The following IL13RA2 variants were observed in gnomAD, a reference collection of about 807,000 sequenced individuals.
The protein encoded by IL13RA2 is interleukin 13 receptor subunit alpha 2, also known as interleukin-13 receptor subunit alpha-2.
In IL13RA2, 25 loss-of-function variants were observed where a neutral mutation model predicts 34.1. The ratio of observed to expected loss-of-function variants is 0.73; its 90% CI spans 0.53 to 1.03. IL13RA2 has a LOEUF of 1.03. IL13RA2 is among the 50% of genes least tolerant of loss of function. The pLI, the probability that IL13RA2 is intolerant of heterozygous loss-of-function variation, is 0.00. For synonymous variants in IL13RA2, 106 were observed against 100.4 expected (o/e 1.06, Z -0.33); for missense variants, 297 against 280.9 (o/e 1.06, Z -0.41).
intron 8 of IL13RA2, among the ~76,000 whole-genome samples, chrX:115,007,067 G>T (rs1327630793): frequency 4.5e-5 from 5 of 111,833 alleles, no homozygotes; most frequent in African/African-American, 1.3e-4. Context: ...TTCACTGAGG[G>T]TAGAGATTTC....
At position 115,015,615 on chromosome X, in the gene IL13RA2, T is replaced by C. The variant is rs146978761; in HGVS notation, c.246+55A>G. The C allele has an allele frequency of 5.7e-4, 601 of 1,063,090 alleles. 4 individuals carry two copies. The East Asian group carries it at 0.017, about 30-fold the overall frequency. 87.6% of individuals were successfully genotyped at this position (1,063,090 alleles called of 1,213,427 possible). A position where few individuals can be genotyped will look rare whatever the true frequency, so the allele number is the denominator to read the frequency against. ...TTGGAGCGGACACTAAAGTCAGGAA[T>C]CACAAAGTAACACCTGATGATCACT... On this transcript the variant is annotated intron_variant, in intron 3 of 9. Transcript: ENST00000243213.
Position 115,015,656 on chromosome X carries a change from C to T in IL13RA2, c.246+14G>A, listed in dbSNP as rs1556509752. On this transcript the variant is annotated intron_variant, in intron 3 of 9. Coordinates refer to ENST00000243213, the MANE Select transcript of IL13RA2 (RefSeq NM_000640.3). The stretch of plus-strand genomic sequence containing the variant: ...GATGATCACTCTGATACGGCAAATG[C>T]ATGCTTTACTTACCTTCCATGTTTC... The T allele has an allele frequency of 8.4e-7, 1 of 1,192,059 alleles. No homozygotes were observed. The highest frequency in any genetic ancestry group is 1.1e-6 in the Non-Finnish European group (1 of 878,020).
At position 115,010,695 on chromosome X, in the gene IL13RA2, C is replaced by T. The variant is rs2071702664; in HGVS notation, c.655G>A (p.Glu219Lys). Reference sequence around the variant, plus strand: ...TAACTGGATCTGATAGGCTTGTTCTCTGATGATCCATTAACACAAATATAG... The same window carrying T: ...TAACTGGATCTGATAGGCTTGTTCTTTGATGATCCATTAACACAAATATAG... The part of the protein sequence containing the change: ...DFYICVNGSS[E>K]NKPIRSSYFT... Residue 219 changes from glutamate to lysine, a missense_variant, in exon 6 of 10, where the codon GAG (glutamate) becomes AAG (lysine). By Grantham distance (56) the Glu-to-Lys change is moderately conservative (BLOSUM62 1). Coordinates refer to ENST00000243213, the MANE Select transcript of IL13RA2 (RefSeq NM_000640.3). The T allele has an allele frequency of 2.9e-6, 3 of 1,021,310 alleles. No individual in the cohort carries two copies. Among genetic ancestry groups the T allele is most frequent in the East Asian group, 3.1e-5 (1 of 32,478 alleles). The allele number at this position is 1,021,310 out of a possible 1,213,427, so 84.2% of individuals were successfully genotyped here.
intron 8 of IL13RA2, among the ~76,000 whole-genome samples, chrX:115,006,478 T>G (rs1556507623): frequency 9.1e-6 from 1 of 109,650 alleles, no homozygotes; most frequent in Non-Finnish European, 1.9e-5. Context: ...AGGCCAGGAG[T>G]TCAAGACCAG....
intron 8 of IL13RA2, 35 bp downstream of exon 8, chrX:115,007,897 G>C (rs1556507990): frequency 1.1e-6 from 1 of 877,298 alleles, no homozygotes; most frequent in Non-Finnish European, 1.6e-6. Flanking sequence ...CTAGCAAAGA[G>C]CTCATTATTT....
At chrX:115,004,262 A>G (rs782293939) in intron 9 of IL13RA2, among the ~76,000 whole-genome samples, 156 bp from the exon 10 acceptor site, 1 of 109,855 alleles carries the variant, frequency 9.1e-6, no homozygotes, top group Admixed American at 9.7e-5. Context: ...AAGATATGGC[A>G]TTGAGATATC....
chrX:115,008,557 T>A (rs782536063), intron 7 of IL13RA2, among the ~76,000 whole-genome samples: 15 of 111,718 alleles, frequency 1.3e-4, no homozygotes, highest in Admixed American at 1.9e-4. Flanking sequence ...TGATTGTTAA[T>A]AAGAATAAGG....
intron 3 of IL13RA2, 113 bp downstream of exon 3, chrX:115,015,557 T>A (rs978206): frequency 1.5e-6 from 1 of 670,305 alleles, no homozygotes; most frequent in Non-Finnish European, 2.4e-6. Flanking sequence ...GGAAGCTTTT[T>A]ATATCCTAAT....
At position 115,005,323 on chromosome X, in the gene IL13RA2, TA is replaced by T; in HGVS notation, c.998-9del. 1.2e-6 allele frequency: 1 copy of T among 805,190 alleles called. No individual in the cohort carries two copies. Among genetic ancestry groups the T allele is most frequent in the Non-Finnish European group, 1.9e-6 (1 of 525,893 alleles). 66.4% of individuals were successfully genotyped at this position (805,190 alleles called of 1,213,427 possible). A position where few individuals can be genotyped will look rare whatever the true frequency, so the allele number is the denominator to read the frequency against. On this transcript the variant is annotated splice_polypyrimidine_tract_variant and intron_variant, in intron 8 of 9. Coordinates refer to ENST00000243213, the MANE Select transcript of IL13RA2 (RefSeq NM_000640.3). ...TCTTCGATAGGTCTTCACCTAGGAT[TA>T]AAAATCACACGGAAAGGGGAAGTGT...
chrX:115,009,545 G>T lies in IL13RA2; in HGVS notation c.828C>A (p.Ile276=). The T allele has an allele frequency of 8.3e-7, 1 of 1,199,319 alleles. No homozygotes were observed. The highest frequency in any genetic ancestry group is 1.1e-6 in the Non-Finnish European group (1 of 884,648). Residue 276 remains isoleucine, a synonymous_variant, in exon 7 of 10, where the codon ATC becomes ATA. Transcript: ENST00000243213. ...PARCFDYEIE[I]REDDTTLVTA... ...CCACCAAGGTAGTATCATCTTCTCTGATCTCAATTTCATAATCAAAACACC... is the reference window on the plus strand; with the variant it reads ...CCACCAAGGTAGTATCATCTTCTCTTATCTCAATTTCATAATCAAAACACC...
intron 9 of IL13RA2, 139 bp from the exon 10 acceptor site, chrX:115,004,245 T>C (rs1602971533): frequency 5.1e-6 from 2 of 392,507 alleles, no homozygotes; most frequent in East Asian, 8.9e-5. Flanking sequence ...TTTCTCTCTA[T>C]CTTGAAAAGA....
chrX:115,016,029 C>T (rs1400501526), intron 2 of IL13RA2, among the ~76,000 whole-genome samples: 16 of 111,520 alleles, frequency 1.4e-4, no homozygotes, highest in Non-Finnish European at 2.8e-4. Flanking sequence ...ATTATACTAA[C>T]TGAAAGAAGC....
intron 5 of IL13RA2, 116 bp from the exon 6 acceptor site, chrX:115,010,944 T>C (rs17095040): frequency 6.7e-5 from 24 of 358,919 alleles, no homozygotes; most frequent in Admixed American, 6.4e-4. Flanking sequence ...TTTAATAATG[T>C]ACAATATTTA....
rs17095913 is a variant in IL13RA2, at chrX:115,013,363, A to C, written c.521+406T>G. ...AACAATTAAGAAATTAAGAAGATACACGAGTCACAATGTCCAAGTTTAAAA... is the reference window on the plus strand; with the variant it reads ...AACAATTAAGAAATTAAGAAGATACCCGAGTCACAATGTCCAAGTTTAAAA... On this transcript the variant is annotated intron_variant, in intron 5 of 9. Transcript: ENST00000243213. Among the ~76,000 whole-genome samples, 1,073 of 111,374 alleles carry C rather than the reference A, an allele frequency of 9.6e-3. 16 individuals carry two copies. Among genetic ancestry groups the C allele is most frequent in the African/African-American group, 0.033 (1,023 of 30,581 alleles).
At chrX:115,012,402 A>T (rs1307203621) in intron 5 of IL13RA2, among the ~76,000 whole-genome samples, 1 of 111,921 alleles carries the variant, frequency 8.9e-6, no homozygotes, top group South Asian at 3.7e-4. Context: ...TTAACAGGAG[A>T]CAAAGCACAC....
chrX:115,012,807 A>G (rs2071711429), intron 5 of IL13RA2, among the ~76,000 whole-genome samples: 1 of 111,578 alleles, frequency 9.0e-6, no homozygotes. Context: ...TAGCTCAAGA[A>G]AAACAAAACA....
At chrX:115,015,410 T>A (rs1467404385) in intron 3 of IL13RA2, among the ~76,000 whole-genome samples, 1 of 111,805 alleles carries the variant, frequency 8.9e-6, no homozygotes, top group Non-Finnish European at 1.9e-5. Context: ...GAAGTGCTGC[T>A]CTTCAAGTTC....
Position 115,014,416 on chromosome X carries a change from T to G in IL13RA2, c.400+5A>C. 8.6e-7 allele frequency: 1 copy of G among 1,168,629 alleles called. No homozygotes were observed. On this transcript the variant is annotated splice_donor_5th_base_variant and intron_variant, in intron 4 of 9. Transcript: ENST00000243213. The stretch of plus-strand genomic sequence containing the variant: ...TTAAATATGAAAAGAGAGCTTTGTT[T>G]TAACCTTGTGGTGATATCCAATAAG...
Position 115,004,065 on chromosome X carries a change from T to G in IL13RA2, c.*15A>C, listed in dbSNP as rs1443144584. 1 of 1,010,228 alleles carries G rather than the reference T, an allele frequency of 9.9e-7. No individual in the cohort carries two copies. The highest frequency in any genetic ancestry group is 1.4e-6 in the Non-Finnish European group (1 of 718,477). The allele number at this position is 1,010,228 out of a possible 1,213,427, so 83.3% of individuals were successfully genotyped here. On this transcript the variant is annotated 3_prime_UTR_variant, in exon 10 of 10. Coordinates refer to ENST00000243213, the MANE Select transcript of IL13RA2 (RefSeq NM_000640.3). ...ACTGTTGAGTCAATACCATGTCTCT[T>G]GATATGGAAAGTCTTCATGTATCAC...
Sources: allele counts gnomAD v4.1 joint callset (sites outside exome capture counted in the v4.1 genomes callset), GRCh38; gene constraint gnomAD v4.1.1; transcripts MANE v1.5; gene names NCBI Gene and HGNC (gene_info 2026-07-23, HGNC 2026-07-21).